The following ZMYND10 variants were observed in gnomAD, a reference collection of about 807,000 sequenced individuals.
ZMYND10 encodes the protein zinc finger MYND domain-containing protein 10.
Under a neutral mutation model 62.6 loss-of-function variants are expected in ZMYND10, and 52 were observed. That is an observed-to-expected ratio of 0.83 (90% CI 0.67 to 1.05). ZMYND10 has a LOEUF of 1.05. Ranked by LOEUF, ZMYND10 falls within the 50% of genes least tolerant of loss-of-function variation. ZMYND10 has a pLI of 0.00. For synonymous variants in ZMYND10, 197 were observed against 218.5 expected (o/e 0.90, Z 0.87); for missense variants, 438 against 543.3 (o/e 0.81, Z 1.93).
chr3:50,345,066 G>C lies in ZMYND10; in HGVS notation c.201+58C>G. On this transcript the variant is annotated intron_variant, in intron 2 of 11. Transcript: ENST00000231749. The surrounding 1 kb of genome is among the most constrained non-coding windows in gnomAD (Gnocchi z 5.0). ...GAAGGGCACACAGGGGACTCCGGAG[G>C]GGTAGAGTAGGTGAGGTATGGGGGA... 6.7e-7 allele frequency: 1 copy of C among 1,487,714 alleles called. No individual in the cohort carries two copies. Among genetic ancestry groups the C allele is most frequent in the Non-Finnish European group, 9.3e-7 (1 of 1,073,836 alleles). The allele number at this position is 1,487,714 out of a possible 1,614,324, so 92.2% of individuals were successfully genotyped here.
chr3:50,341,304 G>T lies in ZMYND10; in HGVS notation c.*106C>A. 7.2e-7 allele frequency: 1 copy of T among 1,389,160 alleles called. No individual in the cohort carries two copies. Among genetic ancestry groups the T allele is most frequent in the Non-Finnish European group, 1.0e-6 (1 of 1,001,448 alleles). 86.1% of individuals were successfully genotyped at this position (1,389,160 alleles called of 1,614,324 possible). On this transcript the variant is annotated 3_prime_UTR_variant, in exon 12 of 12. Coordinates refer to ENST00000231749, the MANE Select transcript of ZMYND10 (RefSeq NM_015896.4). ...TACCGCCCGCTCTGCTCTCCACTGC[G>T]GAGACTGGGGCTCCGGCAGAGGCTG...
Position 50,343,332 on chromosome 3 carries a change from C to T in ZMYND10, c.485G>A (p.Gly162Glu), listed in dbSNP as rs141261384. ...SGCGGPPEGE[G>E]SQDSNPMQEL... ...CTGCATGGGGTTGCTGTCCTGGGAT[C>T]CCTCCCCCTCAGGGGGGCCACCACA... The change falls in exon 5 of 12, where the codon GGA becomes GAA. Residue 162 changes from glycine (G) to glutamate (E), a missense_variant. Transcript: ENST00000231749. 7.4e-5 allele frequency: 120 copies of T among 1,612,112 alleles called. No individual in the cohort carries two copies. The Middle Eastern group carries it at 8.2e-4, about 11-fold the overall frequency.
chr3:50,342,249 A>C, intron 8 of ZMYND10, 109 bp from the exon 9 acceptor site: 1 of 1,578,920 alleles, frequency 6.3e-7, no homozygotes. Context: ...CCCATGTCCC[A>C]CTAGCTGGTG....
rs1419829541 is a variant in ZMYND10 at position 50,343,860 on chromosome 3, G to A, written c.202-10C>T. On this transcript the variant is annotated splice_polypyrimidine_tract_variant and intron_variant, in intron 2 of 11. Transcript: ENST00000231749. ...CCACCAGTGTTGGGACCTTTGAAGG[G>A]TAGGGTAAAGGACAGGGATGAGATG... 1.2e-6 allele frequency: 2 copies of A among 1,613,262 alleles called. No individual in the cohort carries two copies. Among genetic ancestry groups the A allele is most frequent in the African/African-American group, 1.3e-5 (1 of 74,890 alleles).
At chr3:50,342,666 G>A in intron 7 of ZMYND10, 97 bp from the exon 8 acceptor site, 3 of 1,513,550 alleles carry the variant, frequency 2.0e-6, no homozygotes, top group Non-Finnish European at 1.8e-6. Flanking sequence ...CTGGGAATGG[G>A]AGAACCTGGG....
At position 50,345,360 on chromosome 3, in the gene ZMYND10, GT is replaced by G. The variant is rs1330990812; in HGVS notation, c.92+127del. On this transcript the variant is annotated intron_variant, in intron 1 of 11. Coordinates refer to ENST00000231749, the MANE Select transcript of ZMYND10 (RefSeq NM_015896.4). The surrounding 1 kb of genome is among the most constrained non-coding windows in gnomAD (Gnocchi z 5.0). ...GGGGCTCAGGAGCAGTAATACTCCTGTCTCGGAACGCTCTGCTCCCCCATTT... is the reference window on the plus strand; with the variant it reads ...GGGGCTCAGGAGCAGTAATACTCCTGCTCGGAACGCTCTGCTCCCCCATTT... The G allele has an allele frequency of 6.7e-7, 1 of 1,496,330 alleles. No individual in the cohort carries two copies. Among genetic ancestry groups the G allele is most frequent in the African/African-American group, 1.4e-5 (1 of 72,232 alleles). The allele number at this position is 1,496,330 out of a possible 1,614,324, so 92.7% of individuals were successfully genotyped here. A position where few individuals can be genotyped will look rare whatever the true frequency, so the allele number is the denominator to read the frequency against.
chr3:50,342,174 C>T, intron 8 of ZMYND10, 34 bp from the exon 9 acceptor site: 1 of 1,597,876 alleles, frequency 6.3e-7, no homozygotes, highest in Non-Finnish European at 8.5e-7. Context: ...CAGTGTGATG[C>T]AGGTGCTGGC....
rs990722659 is a variant in ZMYND10, at chr3:50,342,849, GC to G, written c.700+68del. 41 of 1,559,200 alleles carry G rather than the reference GC, an allele frequency of 2.6e-5. No homozygotes were observed. The African/African-American group carries it at 5.3e-4, about 20-fold the overall frequency. On this transcript the variant is annotated intron_variant, in intron 7 of 11. Coordinates refer to ENST00000231749, the MANE Select transcript of ZMYND10 (RefSeq NM_015896.4). Reference sequence around the variant, plus strand: ...GGGTTTGTCTTCGTGTGTGCAAGCTGCCCCCCTCTATCAAAAAGATACCCTG... The same window carrying G: ...GGGTTTGTCTTCGTGTGTGCAAGCTGCCCCCTCTATCAAAAAGATACCCTG...
Position 50,345,094 on chromosome 3 carries a change from G to T in ZMYND10, c.201+30C>A, listed in dbSNP as rs1703503532. On this transcript the variant is annotated intron_variant, in intron 2 of 11. Coordinates refer to ENST00000231749, the MANE Select transcript of ZMYND10 (RefSeq NM_015896.4). The surrounding 1 kb of genome is among the most constrained non-coding windows in gnomAD (Gnocchi z 5.0). ...TAGAGTAGGTGAGGTATGGGGGAAGGCAGGAACCCTGCCTGTGACCTCGGG... is the reference window on the plus strand; with the variant it reads ...TAGAGTAGGTGAGGTATGGGGGAAGTCAGGAACCCTGCCTGTGACCTCGGG... 1.2e-6 allele frequency: 2 copies of T among 1,603,114 alleles called. No homozygotes were observed. The highest frequency in any genetic ancestry group is 1.7e-6 in the Non-Finnish European group (2 of 1,172,480).
rs1559848810 is a variant in ZMYND10 at position 50,341,319 on chromosome 3, G to A, written c.*91C>T. ...TCTCCACTGCGGAGACTGGGGCTCC[G>A]GCAGAGGCTGGACCGTGATCTTGAG... On this transcript the variant is annotated 3_prime_UTR_variant, in exon 12 of 12. Transcript: ENST00000231749. The A allele has an allele frequency of 6.0e-6, 9 of 1,497,598 alleles. No individual in the cohort carries two copies. The highest frequency in any genetic ancestry group is 1.8e-5 in the Admixed American group (1 of 57,064). The allele number at this position is 1,497,598 out of a possible 1,614,324, so 92.8% of individuals were successfully genotyped here. A position where few individuals can be genotyped will look rare whatever the true frequency, so the allele number is the denominator to read the frequency against.
rs1439364366 is a variant in ZMYND10 at position 50,345,510 on chromosome 3, G to C, written c.70C>G (p.Leu24Val). The change falls in exon 1 of 12, where the codon CTA becomes GTA. Residue 24 changes from leucine to valine, a missense_variant. Transcript: ENST00000231749. This position sits in a 1 kb window ranked among gnomAD's most constrained non-coding sequence, Gnocchi z 5.0. ...VLVRGLRSFP[L>V]REMGSEGWNQ... The stretch of plus-strand genomic sequence containing the variant: ...CACCCTTCGGAGCCCATCTCGCGTA[G>C]CGGGAAGCTGCGCAGACCCCGCACC... 2 of 1,607,818 alleles carry C rather than the reference G, an allele frequency of 1.2e-6. No individual in the cohort carries two copies. Among genetic ancestry groups the C allele is most frequent in the Non-Finnish European group, 1.7e-6 (2 of 1,177,704 alleles).
At chr3:50,343,683 C>T (rs1293955772) in intron 3 of ZMYND10, 51 bp downstream of exon 3, 1 of 1,613,806 alleles carries the variant, frequency 6.2e-7, no homozygotes, top group East Asian at 2.2e-5. Flanking sequence ...CTCCCCGGTC[C>T]AGAGCCCTCT....
chr3:50,343,824 G>T lies in ZMYND10; in HGVS notation c.228C>A (p.Ile76=), dbSNP rs764843322. ...GKVPTLVEEL[I]AVEMWKQKVF... ...CCTTCTGCTTCCACATCTCCACTGCGATCAGCTCCTCCACCAGTGTTGGGA... is the reference window on the plus strand; with the variant it reads ...CCTTCTGCTTCCACATCTCCACTGCTATCAGCTCCTCCACCAGTGTTGGGA... The change falls in exon 3 of 12, where the codon ATC becomes ATA. Residue 76 remains isoleucine, a synonymous_variant. Coordinates refer to ENST00000231749, the MANE Select transcript of ZMYND10 (RefSeq NM_015896.4). 1 of 1,614,038 alleles carries T rather than the reference G, an allele frequency of 6.2e-7. No individual in the cohort carries two copies. Among genetic ancestry groups the T allele is most frequent in the African/African-American group, 1.3e-5 (1 of 74,918 alleles).
chr3:50,344,636 G>A (rs1411824066), intron 2 of ZMYND10, among the ~76,000 whole-genome samples: 1 of 65,280 alleles, frequency 1.5e-5, no homozygotes, highest in Non-Finnish European at 3.2e-5. Flanking sequence ...TTTTTTTTTT[G>A]GTCAATTGAT....
chr3:50,342,490 C>T lies in ZMYND10; in HGVS notation c.780G>A (p.Gly260=). 6.2e-7 allele frequency: 1 copy of T among 1,614,040 alleles called. No homozygotes were observed. ...SEQQKLSKLD[G]QVWIALYNLL... is the part of the protein sequence containing the mutation. ...GGTTGTACAGGGCGATCCACACTTGCCCGTCCAACTTGCTCAGCTTTTGCT... is the reference window on the plus strand; with the variant it reads ...GGTTGTACAGGGCGATCCACACTTGTCCGTCCAACTTGCTCAGCTTTTGCT... The change falls in exon 8 of 12, where the codon GGG becomes GGA. Residue 260 remains glycine (G), a synonymous_variant. Coordinates refer to ENST00000231749, the MANE Select transcript of ZMYND10 (RefSeq NM_015896.4).
chr3:50,343,850 C>G lies in ZMYND10; in HGVS notation c.202G>C (p.Val68Leu). 1 of 1,614,034 alleles carries G rather than the reference C, an allele frequency of 6.2e-7. No individual in the cohort carries two copies. Among genetic ancestry groups the G allele is most frequent in the Non-Finnish European group, 8.5e-7 (1 of 1,179,974 alleles). The part of the protein sequence containing the change: ...IQELLVTHGK[V>L]PTLVEELIAV... ...ATCAGCTCCTCCACCAGTGTTGGGA[C>G]CTTTGAAGGGTAGGGTAAAGGACAG... Residue 68 changes from valine to leucine, a missense_variant and splice_region_variant, in exon 3 of 12, where the codon GTC becomes CTC. Physicochemically the swap from Val to Leu is conservative, Grantham distance 32 (BLOSUM62 1). Coordinates refer to ENST00000231749, the MANE Select transcript of ZMYND10 (RefSeq NM_015896.4).
At position 50,345,663 on chromosome 3, in the gene ZMYND10, C is replaced by A; in HGVS notation, c.-84G>T. ...TCGGGGACGACGGACCCCGACGGTG[C>A]CAAAGTCTGGGACAGGACAGTTGCG... On this transcript the variant is annotated 5_prime_UTR_variant, in exon 1 of 12. Transcript: ENST00000231749. The surrounding 1 kb of genome is among the most constrained non-coding windows in gnomAD (Gnocchi z 5.0). 1 of 1,541,186 alleles carries A rather than the reference C, an allele frequency of 6.5e-7. No homozygotes were observed. The highest frequency in any genetic ancestry group is 1.2e-5 in the South Asian group (1 of 83,070).
Position 50,343,956 on chromosome 3 carries a change from G to A in ZMYND10, c.202-106C>T. Reference sequence around the variant, plus strand: ...CCCTGATATCCCCAAACACTGCTGGGCCCCTAAACTATTCCAGACCCATGA... The same window carrying A: ...CCCTGATATCCCCAAACACTGCTGGACCCCTAAACTATTCCAGACCCATGA... On this transcript the variant is annotated intron_variant, in intron 2 of 11. Transcript: ENST00000231749. 5.1e-6 allele frequency: 5 copies of A among 978,744 alleles called. No individual in the cohort carries two copies. In the South Asian group the frequency reaches 7.1e-5, roughly 14 times the overall value. 60.6% of individuals were successfully genotyped at this position (978,744 alleles called of 1,614,324 possible).
chr3:50,343,467 T>C, intron 4 of ZMYND10, 23 bp from the exon 5 acceptor site: 1 of 1,612,442 alleles, frequency 6.2e-7, no homozygotes, highest in Non-Finnish European at 8.5e-7. Context: ...GGAGGGAAAC[T>C]TTCTGTGTCT....
Sources: allele counts gnomAD v4.1 joint callset (sites outside exome capture counted in the v4.1 genomes callset), GRCh38; gene constraint gnomAD v4.1.1; non-coding constraint Gnocchi (gnomAD v3.1); transcripts MANE v1.5; gene names NCBI Gene and HGNC (gene_info 2026-07-23, HGNC 2026-07-21).